The following VEPH1 variants were observed in gnomAD, a reference collection of about 807,000 sequenced individuals.
VEPH1 encodes ventricular zone-expressed PH domain-containing protein homolog 1.
Under a neutral mutation model 85.2 loss-of-function variants are expected in VEPH1, and 80 were observed. The ratio of observed to expected loss-of-function variants is 0.94; its 90% CI spans 0.78 to 1.13. The LOEUF is 1.13. VEPH1 is among the 50% of genes most tolerant of loss of function. The pLI, the probability that VEPH1 is intolerant of heterozygous loss-of-function variation, is 0.00. For synonymous variants in VEPH1, 297 were observed against 348.0 expected, an observed-to-expected ratio of 0.85 and a Z score of 1.63; for missense variants, 955 against 980.5, an observed-to-expected ratio of 0.97 and a Z score of 0.35.
At position 157,463,845 on chromosome 3, in the gene VEPH1, C is replaced by T. The variant is rs74732620; in HGVS notation, c.355-3490G>A. Among the ~76,000 whole-genome samples, 1,107 of 152,234 alleles carry T rather than the reference C, an allele frequency of 7.3e-3. 12 individuals are homozygous for T. Among genetic ancestry groups the T allele is most frequent in the African/African-American group, 0.025 (1,057 of 41,540 alleles). On this transcript the variant is annotated intron_variant, in intron 3 of 13. Transcript: ENST00000362010. ...AAACTAGAGTGTCCACTCATGGGCA[C>T]AAAATCAGGTCAGAGCAGAGAGAGA...
intron 6 of VEPH1, among the ~76,000 whole-genome samples, chr3:157,411,257 C>T (rs1193027145): frequency 1.3e-5 from 2 of 152,134 alleles, no homozygotes; most frequent in East Asian, 1.9e-4. Context: ...TTCTAGACTT[C>T]GTTATGTGTA....
chr3:157,325,850 T>C (rs892622160), intron 9 of VEPH1, among the ~76,000 whole-genome samples: 4 of 152,208 alleles, frequency 2.6e-5, no homozygotes, highest in Admixed American at 2.0e-4. Context: ...TTAAAATAGT[T>C]TTTTCTAATT....
intron 11 of VEPH1, among the ~76,000 whole-genome samples, chr3:157,288,140 G>A (rs1055148638): frequency 3.3e-5 from 5 of 152,180 alleles, no homozygotes; most frequent in Admixed American, 3.3e-4. Flanking sequence ...GTATCCTTTG[G>A]TATAGGATGG....
intron 6 of VEPH1, among the ~76,000 whole-genome samples, chr3:157,387,019 A>G (rs1560019488): frequency 6.6e-6 from 1 of 152,222 alleles, no homozygotes; most frequent in Non-Finnish European, 1.5e-5. Flanking sequence ...AAAGGAACAG[A>G]CAGTAAATAT....
intron 6 of VEPH1, among the ~76,000 whole-genome samples, chr3:157,401,204 C>G (rs1319838982): frequency 6.6e-6 from 1 of 151,976 alleles, no homozygotes; most frequent in African/African-American, 2.4e-5. Flanking sequence ...TCATGGAAAT[C>G]ATTTTGAAGA....
At chr3:157,304,016 A>ATTT (rs1559939855) in intron 11 of VEPH1, among the ~76,000 whole-genome samples, 2 of 47,882 alleles carry the variant, frequency 4.2e-5, no homozygotes, top group Admixed American at 2.9e-4. Context: ...TTCTCATCTT[A>ATTT]TATTTTTTAT....
At chr3:157,324,066 A>AT (rs1201148118) in intron 9 of VEPH1, among the ~76,000 whole-genome samples, 1 of 152,062 alleles carries the variant, frequency 6.6e-6, no homozygotes, top group Non-Finnish European at 1.5e-5. Context: ...ATTTATCTGT[A>AT]TTTTTTGAGA....
chr3:157,276,333 T>C (rs1715380772), intron 12 of VEPH1, among the ~76,000 whole-genome samples: 1 of 152,214 alleles, frequency 6.6e-6, no homozygotes, highest in African/African-American at 2.4e-5. Flanking sequence ...TGAACTGTGT[T>C]GTGAGAACCA....
Position 157,428,407 on chromosome 3 carries a change from A to T in VEPH1, c.611T>A (p.Leu204Gln). 6.2e-7 allele frequency: 1 copy of T among 1,614,154 alleles called. No individual in the cohort carries two copies. ...CTGTTCCAGCTGAGACATCAAGGCC[A>T]GGAGTTCTGTCAGGTGTCTATTAAT... ...QPINRHLTEL[L>Q]ALMSQLEQPE... The change falls in exon 5 of 14, where the codon CTG (leucine) becomes CAG (glutamine). Residue 204 changes from leucine to glutamine, a missense_variant. Leu to Gln is a moderately radical substitution (Grantham distance 113, BLOSUM62 -2). Coordinates refer to ENST00000362010, the MANE Select transcript of VEPH1 (RefSeq NM_001167912.2).
intron 6 of VEPH1, among the ~76,000 whole-genome samples, chr3:157,392,527 C>CA (rs1229427837): frequency 6.6e-6 from 1 of 152,074 alleles, no homozygotes; most frequent in African/African-American, 2.4e-5. Flanking sequence ...CAGGGGTGTA[C>CA]AATCATTTGG....
chr3:157,348,208 G>C (rs2108688064), intron 9 of VEPH1, among the ~76,000 whole-genome samples: 1 of 152,068 alleles, frequency 6.6e-6, no homozygotes, highest in East Asian at 1.9e-4. Context: ...CCAAGCAGGA[G>C]GGGCATGGGG....
At chr3:157,287,955 C>T (rs1408430478) in intron 11 of VEPH1, among the ~76,000 whole-genome samples, 2 of 152,220 alleles carry the variant, frequency 1.3e-5, no homozygotes, top group South Asian at 2.1e-4. Flanking sequence ...AGAATTGACA[C>T]TCCAAGAAGA....
chr3:157,303,044 T>C (rs1171469707), intron 11 of VEPH1, among the ~76,000 whole-genome samples: 1 of 152,252 alleles, frequency 6.6e-6, no homozygotes. Flanking sequence ...GGTAAATAAA[T>C]GTGCACATAT....
At chr3:157,464,742 G>C (rs1312079198) in intron 3 of VEPH1, among the ~76,000 whole-genome samples, 1 of 152,174 alleles carries the variant, frequency 6.6e-6, no homozygotes, top group East Asian at 1.9e-4. Flanking sequence ...AAATTGAAAA[G>C]AATGAAGCTA....
chr3:157,469,330 A>G (rs557115500), intron 3 of VEPH1, among the ~76,000 whole-genome samples: 102 of 152,308 alleles, frequency 6.7e-4, no homozygotes, highest in Non-Finnish European at 1.1e-3. Flanking sequence ...TGGGAAAAAA[A>G]GGAAGAAGAA....
At chr3:157,488,552 T>C (rs1738891240) in intron 2 of VEPH1, among the ~76,000 whole-genome samples, 1 of 150,776 alleles carries the variant, frequency 6.6e-6, no homozygotes, top group Non-Finnish European at 1.5e-5. Flanking sequence ...TTTATTTTCC[T>C]AGTCCTTCAT....
chr3:157,359,094 G>C (rs911768674), intron 9 of VEPH1, among the ~76,000 whole-genome samples: 16 of 152,230 alleles, frequency 1.1e-4, no homozygotes, highest in African/African-American at 3.6e-4. Context: ...CTATAAGTCA[G>C]CCTTGCTGAT....
intron 10 of VEPH1, chr3:157,316,020 T>A (rs1720716700): frequency 1.3e-5 from 2 of 152,086 alleles, no homozygotes; most frequent in Non-Finnish European, 2.9e-5. Context: ...TATTAAATGT[T>A]CCTAAGAAGA....
At chr3:157,330,090 T>A (rs1025926818) in intron 9 of VEPH1, among the ~76,000 whole-genome samples, 1 of 152,318 alleles carries the variant, frequency 6.6e-6, no homozygotes. Flanking sequence ...TGGAATCAAC[T>A]CAGAAAGCTC....
Sources: allele counts gnomAD v4.1 joint callset (sites outside exome capture counted in the v4.1 genomes callset), GRCh38; gene constraint gnomAD v4.1.1; transcripts MANE v1.5; gene names NCBI Gene and HGNC (gene_info 2026-07-23, HGNC 2026-07-21).